LIMK2: variants seen among roughly 807,000 people sequenced by gnomAD.
LIMK2 encodes the protein LIM domain kinase 2.
A neutral mutation model predicts 75.7 loss-of-function variants in LIMK2; 35 were observed. The observed-to-expected ratio is 0.46, with a 90% CI of 0.35 to 0.61. The LOEUF (loss-of-function observed/expected upper bound fraction) is 0.61. LIMK2 is among the 20% of genes least tolerant of loss of function. The probability of loss-of-function intolerance (pLI) is 0.00; values close to 1 mark genes in which losing one functional copy is unlikely to be tolerated. For missense variants in LIMK2, 623 were observed against 831.0 expected, an observed-to-expected ratio of 0.75 and a Z score of 3.08; for synonymous variants, 301 against 319.2, an observed-to-expected ratio of 0.94 and a Z score of 0.61.
In LIMK2 at chr22:31,262,516, T is replaced by C; in HGVS notation, c.658-79T>C. The C allele has an allele frequency of 7.2e-7, 1 of 1,388,226 alleles. No individual in the cohort carries two copies. The highest frequency in any genetic ancestry group is 1.0e-6 in the Non-Finnish European group (1 of 997,540). The allele number at this position is 1,388,226 out of a possible 1,614,324, so 86.0% of individuals were successfully genotyped here. On this transcript the variant is annotated intron_variant, in intron 6 of 15. Coordinates refer to ENST00000331728, the MANE Select transcript of LIMK2 (RefSeq NM_005569.4). This position sits in a 1 kb window ranked among gnomAD's most constrained non-coding sequence, Gnocchi z 5.0. ...GACAAGTTGAGCACTGGCCACACTG[T>C]GCCTGAGTCATCTGGGTTGGCCATG...
At chr22:31,243,200 G>A (rs1321928004) in intron 2 of LIMK2, among the ~76,000 whole-genome samples, 1 of 152,160 alleles carries the variant, frequency 6.6e-6, no homozygotes, top group African/African-American at 2.4e-5. Context: ...GGGATTACAG[G>A]CATGAGCCAC....
intron 2 of LIMK2, among the ~76,000 whole-genome samples, chr22:31,242,622 C>T (rs1036163537): frequency 2.0e-5 from 3 of 152,290 alleles, no homozygotes; most frequent in African/African-American, 7.2e-5. Flanking sequence ...CTTGGGCTTC[C>T]AATTCTCCAT....
At chr22:31,223,470 A>G (rs986176391) in intron 1 of LIMK2, among the ~76,000 whole-genome samples, 2 of 152,208 alleles carry the variant, frequency 1.3e-5, no homozygotes, top group Non-Finnish European at 2.9e-5. Flanking sequence ...AGTAAAAACA[A>G]GAAACAAGGT....
At chr22:31,219,482 A>T (rs1445876752) in intron 1 of LIMK2, among the ~76,000 whole-genome samples, 2 of 152,212 alleles carry the variant, frequency 1.3e-5, no homozygotes, top group African/African-American at 2.4e-5. Flanking sequence ...TTTTCTGTTT[A>T]TTAAACACCT....
intron 2 of LIMK2, among the ~76,000 whole-genome samples, chr22:31,249,695 C>T (rs747455831): frequency 2.6e-5 from 4 of 152,176 alleles, no homozygotes; most frequent in Non-Finnish European, 5.9e-5. Flanking sequence ...CTTCTGGCTT[C>T]TCTAAGCTAG....
chr22:31,227,824 C>G (rs1336400725), intron 2 of LIMK2, among the ~76,000 whole-genome samples: 12 of 152,154 alleles, frequency 7.9e-5, no homozygotes, highest in Non-Finnish European at 1.6e-4. Flanking sequence ...TTTGGAATTT[C>G]TGGATTCTCT....
At chr22:31,272,970 T>G in intron 13 of LIMK2, 7 of 1,234,002 alleles carry the variant, frequency 5.7e-6, no homozygotes, top group Non-Finnish European at 7.1e-6. Flanking sequence ...GCTCAGGCTA[T>G]TGTCCCAGCT....
At chr22:31,263,515 G>C (rs2048861472) in intron 7 of LIMK2, among the ~76,000 whole-genome samples, 1 of 152,170 alleles carries the variant, frequency 6.6e-6, no homozygotes, top group Non-Finnish European at 1.5e-5. Flanking sequence ...ACAGTGTTCA[G>C]TAAACGTGAC....
chr22:31,278,504 C>G lies in LIMK2; in HGVS notation c.*63C>G. The G allele has an allele frequency of 2.6e-6, 4 of 1,511,084 alleles. No homozygotes were observed. In the South Asian group the frequency reaches 5.1e-5, roughly 19 times the overall value. 93.6% of individuals were successfully genotyped at this position (1,511,084 alleles called of 1,614,324 possible). A position where few individuals can be genotyped will look rare whatever the true frequency, so the allele number is the denominator to read the frequency against. On this transcript the variant is annotated 3_prime_UTR_variant, in exon 16 of 16. Coordinates refer to ENST00000331728, the MANE Select transcript of LIMK2 (RefSeq NM_005569.4). ...CAGCATTGCCCCTCTGTGCCCCATT[C>G]CTGCTGTGAGCAGGGCCGTCCGGGC... is the stretch of plus-strand genomic sequence containing the variant.
chr22:31,212,587 C>T (rs2048356534), intron 1 of LIMK2, among the ~76,000 whole-genome samples, 163 bp downstream of exon 1: 1 of 151,944 alleles, frequency 6.6e-6, no homozygotes, highest in Non-Finnish European at 1.5e-5. Context: ...CAGCGCTCCC[C>T]AGGCATTTGG....
intron 12 of LIMK2, among the ~76,000 whole-genome samples, chr22:31,272,255 A>C (rs940517090): frequency 2.5e-5 from 2 of 80,868 alleles, no homozygotes; most frequent in African/African-American, 1.1e-4. Flanking sequence ...TTGTATTTTT[A>C]GTAGAGACGG....
At chr22:31,228,054 TAGAGAC>T (rs2048494908) in intron 2 of LIMK2, among the ~76,000 whole-genome samples, 1 of 142,446 alleles carries the variant, frequency 7.0e-6, no homozygotes, top group Admixed American at 7.3e-5. Flanking sequence ...GTGTGTGAGA[TAGAGAC>T]AGAAAGATAA....
chr22:31,277,430 AAAAT>A, intron 15 of LIMK2: 1 of 1,189,712 alleles, frequency 8.4e-7, no homozygotes, highest in African/African-American at 1.6e-5. Flanking sequence ...AAAAAAAAAA[AAAAT>A]GATTTCCAGC....
Position 31,278,472 on chromosome 22 carries a change from C to A in LIMK2, c.*31C>A. The A allele has an allele frequency of 6.4e-7, 1 of 1,568,504 alleles. No homozygotes were observed. The highest frequency in any genetic ancestry group is 8.6e-7 in the Non-Finnish European group (1 of 1,158,692). On this transcript the variant is annotated 3_prime_UTR_variant, in exon 16 of 16. Coordinates refer to ENST00000331728, the MANE Select transcript of LIMK2 (RefSeq NM_005569.4). ...GCCCAGCCCCCTGCAGGGGGGTGTTCTACAGCCAGCATTGCCCCTCTGTGC... is the reference window on the plus strand; with the variant it reads ...GCCCAGCCCCCTGCAGGGGGGTGTTATACAGCCAGCATTGCCCCTCTGTGC...
At chr22:31,257,959 C>T (rs891414959) in intron 2 of LIMK2, among the ~76,000 whole-genome samples, 9 of 152,282 alleles carry the variant, frequency 5.9e-5, no homozygotes, top group African/African-American at 9.6e-5. Flanking sequence ...CTGTCCCCCA[C>T]CTAAATTATA....
At chr22:31,264,642 G>A (rs1440268522) in intron 7 of LIMK2, among the ~76,000 whole-genome samples, 1 of 152,210 alleles carries the variant, frequency 6.6e-6, no homozygotes, top group East Asian at 1.9e-4. Context: ...CCATTTGCTG[G>A]CCAGGCACGG....
chr22:31,259,484 G>C (rs1280688605), intron 4 of LIMK2, among the ~76,000 whole-genome samples: 1 of 152,048 alleles, frequency 6.6e-6, no homozygotes, highest in East Asian at 1.9e-4. Flanking sequence ...ACTCTTCAAG[G>C]ACGATCCCAG....
At chr22:31,238,134 C>T (rs935265674) in intron 2 of LIMK2, among the ~76,000 whole-genome samples, 2 of 147,084 alleles carry the variant, frequency 1.4e-5, no homozygotes, top group African/African-American at 5.0e-5. Context: ...AAAAAAAAAC[C>T]AAAACCAATA....
At chr22:31,264,383 C>T (rs759627347) in intron 7 of LIMK2, among the ~76,000 whole-genome samples, 6 of 152,128 alleles carry the variant, frequency 3.9e-5, no homozygotes, top group Non-Finnish European at 7.4e-5. Flanking sequence ...TCTGGGTAGC[C>T]CAAGTAAAGC....
Sources: gnomAD v4.1 joint callset for allele counts (sites outside exome capture counted in the v4.1 genomes callset) on GRCh38, gnomAD v4.1.1 for gene constraint, Gnocchi (gnomAD v3.1) non-coding constraint, MANE v1.5 for transcripts, NCBI Gene and HGNC (gene_info 2026-07-23, HGNC 2026-07-21) for gene names.